SNTG1: variants seen among roughly 807,000 people sequenced by gnomAD.
SNTG1 encodes the protein syntrophin gamma 1, also known as gamma-1-syntrophin.
SNTG1 carries 39 observed loss-of-function variants against 74.7 expected under a neutral mutation model. That is an observed-to-expected ratio of 0.52 (90% CI 0.40 to 0.68). The LOEUF (loss-of-function observed/expected upper bound fraction) is 0.68. Among genes scored for constraint, SNTG1 ranks in the 30% least tolerant of loss-of-function variants. SNTG1 has a pLI of 0.00. For synonymous variants in SNTG1, 254 were observed against 217.1 expected (o/e 1.17, Z -1.49); for missense variants, 685 against 609.5 (o/e 1.12, Z -1.30).
intron 2 of SNTG1, among the ~76,000 whole-genome samples, chr8:50,185,754 G>A (rs1196571986): frequency 1.3e-5 from 2 of 151,236 alleles, no homozygotes; most frequent in Non-Finnish European, 1.5e-5. Context: ...ATCTATTAAT[G>A]TACATTTCTA....
chr8:50,008,657 A>T (rs990818222), intron 1 of SNTG1, among the ~76,000 whole-genome samples: 1 of 152,148 alleles, frequency 6.6e-6, no homozygotes, highest in African/African-American at 2.4e-5. Context: ...AAATTCCATC[A>T]ACCTGATAGT....
intron 16 of SNTG1, chr8:50,707,781 T>C: frequency 3.4e-6 from 1 of 293,516 alleles, no homozygotes; most frequent in Non-Finnish European, 6.2e-6. Flanking sequence ...CCACTACGAT[T>C]TAAAATTAAA....
intron 13 of SNTG1, among the ~76,000 whole-genome samples, chr8:50,642,982 T>C (rs1406881882): frequency 3.9e-5 from 6 of 152,110 alleles, no homozygotes; most frequent in Non-Finnish European, 7.4e-5. Context: ...AATGTTCAGG[T>C]TACCAATCAT....
chr8:50,387,094 A>G (rs1473159044), intron 2 of SNTG1, among the ~76,000 whole-genome samples: 1 of 152,152 alleles, frequency 6.6e-6, no homozygotes, highest in Non-Finnish European at 1.5e-5. Flanking sequence ...CAACTTGCCA[A>G]CACCATAGGC....
intron 18 of SNTG1, among the ~76,000 whole-genome samples, chr8:50,771,761 G>C (rs1174945265): frequency 2.0e-5 from 3 of 151,980 alleles, no homozygotes; most frequent in Admixed American, 1.3e-4. Context: ...GGTTTTGGGG[G>C]ACAGGCCTAG....
intron 1 of SNTG1, among the ~76,000 whole-genome samples, chr8:49,926,276 T>C (rs995121776): frequency 1.3e-5 from 2 of 151,834 alleles, no homozygotes; most frequent in Admixed American, 1.3e-4. Flanking sequence ...AAAAAATAAA[T>C]AGGTTTGTGA....
At chr8:49,966,631 ATGATCCATCCACCTTGGCC>A (rs1431147377) in intron 1 of SNTG1, among the ~76,000 whole-genome samples, 1 of 151,974 alleles carries the variant, frequency 6.6e-6, no homozygotes, top group Non-Finnish European at 1.5e-5. Flanking sequence ...CTGACCTCAA[ATGATCCATCCACCTTGGCC>A]TCCCAAAGTG....
intron 13 of SNTG1, among the ~76,000 whole-genome samples, chr8:50,652,140 A>G (rs1465627095): frequency 6.6e-6 from 1 of 152,112 alleles, no homozygotes; most frequent in African/African-American, 2.4e-5. Context: ...TTTTTTGTGA[A>G]TATTGCTCTC....
intron 18 of SNTG1, among the ~76,000 whole-genome samples, chr8:50,785,594 G>GA (rs571712048): frequency 6.6e-6 from 1 of 151,918 alleles, no homozygotes; most frequent in South Asian, 2.1e-4. Flanking sequence ...ATTAAACAAT[G>GA]AAAAAACAAT....
intron 1 of SNTG1, among the ~76,000 whole-genome samples, chr8:50,142,917 C>CA (rs956849938): frequency 2.0e-5 from 3 of 151,540 alleles, no homozygotes; most frequent in Non-Finnish European, 2.9e-5. Flanking sequence ...ACTAAAAATA[C>CA]AAAAAAATTA....
At chr8:50,232,591 C>A (rs991893819) in intron 2 of SNTG1, among the ~76,000 whole-genome samples, 2 of 151,136 alleles carry the variant, frequency 1.3e-5, no homozygotes, top group South Asian at 4.2e-4. Flanking sequence ...TTAAACAGTG[C>A]GAGATGACTT....
intron 8 of SNTG1, among the ~76,000 whole-genome samples, chr8:50,500,278 C>A (rs1270923825): frequency 3.4e-5 from 5 of 146,424 alleles, no homozygotes; most frequent in African/African-American, 2.5e-5. Context: ...AGGGTGAATT[C>A]TATTATTCTG....
At chr8:50,542,633 G>T (rs2094356712) in intron 11 of SNTG1, among the ~76,000 whole-genome samples, 1 of 152,098 alleles carries the variant, frequency 6.6e-6, no homozygotes, top group South Asian at 2.1e-4. Flanking sequence ...GGATCGTGTG[G>T]TAGTCTTATT....
intron 3 of SNTG1, among the ~76,000 whole-genome samples, chr8:50,400,098 A>G (rs886731096): frequency 6.6e-5 from 10 of 152,214 alleles, no homozygotes; most frequent in African/African-American, 2.4e-4. Context: ...GCAGTATATA[A>G]ATATATTCCC....
At chr8:50,210,346 G>T (rs185400152) in intron 2 of SNTG1, among the ~76,000 whole-genome samples, 30 of 152,284 alleles carry the variant, frequency 2.0e-4, no homozygotes, top group African/African-American at 7.0e-4. Flanking sequence ...TAGCAAGGCA[G>T]GCCAACATTC....
intron 4 of SNTG1, among the ~76,000 whole-genome samples, chr8:50,421,068 A>T (rs1458121152): frequency 1.3e-5 from 2 of 148,162 alleles, no homozygotes; most frequent in Non-Finnish European, 3.0e-5. Flanking sequence ...GGGCGAAGAT[A>T]AAGGGACATT....
At chr8:50,077,213 A>G (rs1041547296) in intron 1 of SNTG1, among the ~76,000 whole-genome samples, 3 of 152,202 alleles carry the variant, frequency 2.0e-5, no homozygotes, top group Non-Finnish European at 2.9e-5. Flanking sequence ...AGTTTTGTGT[A>G]GAATTATTCT....
At chr8:50,588,550 A>T (rs2130862279) in intron 12 of SNTG1, among the ~76,000 whole-genome samples, 1 of 152,336 alleles carries the variant, frequency 6.6e-6, no homozygotes. Flanking sequence ...ACAATTAAAA[A>T]GCTACAAATT....
intron 1 of SNTG1, chr8:50,164,471 T>C (rs2082541435): frequency 1.3e-5 from 2 of 152,228 alleles, no homozygotes; most frequent in African/African-American, 2.4e-5. Context: ...AATGATAGTT[T>C]TGTTCTGCAA....
Sources: allele counts gnomAD v4.1 joint callset (sites outside exome capture counted in the v4.1 genomes callset), GRCh38; gene constraint gnomAD v4.1.1; transcripts MANE v1.5; gene names NCBI Gene and HGNC (gene_info 2026-07-23, HGNC 2026-07-21).